GTF2A1L: variants seen among roughly 807,000 people sequenced by gnomAD.
GTF2A1L encodes general transcription factor IIA subunit 1 like.
In GTF2A1L, 48 loss-of-function variants were observed where a neutral mutation model predicts 49.7. The ratio of observed to expected loss-of-function variants is 0.97; its 90% CI spans 0.77 to 1.23. GTF2A1L has a LOEUF of 1.23. Ranked by LOEUF, GTF2A1L falls within the 50% of genes most tolerant of loss-of-function variation. The pLI is 0.00. For synonymous variants in GTF2A1L, 246 were observed against 193.5 expected (o/e 1.27, Z -2.25); for missense variants, 736 against 564.8 (o/e 1.30, Z -3.07).
chr2:48,632,627 A>G (rs1236664707), intron 3 of GTF2A1L: 1 of 155,470 alleles, frequency 6.4e-6, no homozygotes, highest in Non-Finnish European at 1.4e-5. Context: ...GTGATCCACC[A>G]GCCTTGGCCT....
chr2:48,642,184 C>A (rs1449174913), intron 3 of GTF2A1L, among the ~76,000 whole-genome samples: 2 of 152,056 alleles, frequency 1.3e-5, no homozygotes, highest in African/African-American at 4.8e-5. Context: ...GAGATATTTT[C>A]TTTCAGCACT....
intron 3 of GTF2A1L, among the ~76,000 whole-genome samples, chr2:48,633,612 T>A (rs1050588304): frequency 5.3e-5 from 8 of 152,268 alleles, no homozygotes; most frequent in Non-Finnish European, 8.8e-5. Context: ...AGTATTGTTC[T>A]ATGGCCAATG....
chr2:48,627,485 C>G lies in GTF2A1L; in HGVS notation c.247+6195C>G, dbSNP rs1049838764. ...AAAAAAATCATATTCATTGATATAA[C>G]TAGGCCTCTCATCCATTGTGGTTGA... On this transcript the variant is annotated intron_variant, in intron 3 of 8. Coordinates refer to ENST00000403751, the MANE Select transcript of GTF2A1L (RefSeq NM_006872.5). Among the ~76,000 whole-genome samples, 5 of 143,998 alleles carry G rather than the reference C, an allele frequency of 3.5e-5. 1 individual carries two copies. Among genetic ancestry groups the G allele is most frequent in the African/African-American group, 4.9e-5 (2 of 40,516 alleles). 94.5% of individuals were successfully genotyped at this position (143,998 alleles called of 152,430 possible).
At chr2:48,638,561 G>A (rs1677032300) in intron 3 of GTF2A1L, among the ~76,000 whole-genome samples, 1 of 152,160 alleles carries the variant, frequency 6.6e-6, no homozygotes, top group South Asian at 2.1e-4. Flanking sequence ...ACTAGGTATT[G>A]AAGGAATATA....
chr2:48,657,656 T>C (rs930961023), intron 6 of GTF2A1L, among the ~76,000 whole-genome samples: 4 of 152,178 alleles, frequency 2.6e-5, no homozygotes, highest in Non-Finnish European at 5.9e-5. Context: ...AGCTCTATTT[T>C]CTTTGAGAAA....
intron 6 of GTF2A1L, among the ~76,000 whole-genome samples, chr2:48,650,574 G>T (rs1477662217): frequency 1.3e-5 from 2 of 152,068 alleles, no homozygotes; most frequent in African/African-American, 2.4e-5. Flanking sequence ...ATTGACTTTA[G>T]AATTCATTTA....
At chr2:48,669,186 T>A (rs1189426131) in intron 6 of GTF2A1L, among the ~76,000 whole-genome samples, 2 of 152,154 alleles carry the variant, frequency 1.3e-5, no homozygotes, top group African/African-American at 2.4e-5. Flanking sequence ...AACTTTTCAT[T>A]CCCCTCTTCA....
At chr2:48,660,957 G>C (rs188974181) in intron 6 of GTF2A1L, among the ~76,000 whole-genome samples, 1 of 152,030 alleles carries the variant, frequency 6.6e-6, no homozygotes, top group Non-Finnish European at 1.5e-5. Context: ...GATAATTTTA[G>C]TTGAGTCTTC....
chr2:48,652,957 C>T (rs1045970306), intron 6 of GTF2A1L, among the ~76,000 whole-genome samples: 8 of 151,704 alleles, frequency 5.3e-5, no homozygotes, highest in East Asian at 4.0e-4. Context: ...AGGCCGGGCA[C>T]GGTGGCTCAC....
intron 4 of GTF2A1L, among the ~76,000 whole-genome samples, chr2:48,643,769 G>A (rs985147540): frequency 6.9e-5 from 10 of 144,952 alleles, no homozygotes; most frequent in Non-Finnish European, 4.5e-5. Context: ...GCATGATCTC[G>A]GCTCACTGCA....
At chr2:48,630,550 A>G (rs1355091377) in intron 3 of GTF2A1L, among the ~76,000 whole-genome samples, 1 of 144,300 alleles carries the variant, frequency 6.9e-6, no homozygotes, top group African/African-American at 2.5e-5. Context: ...GTATAAGACC[A>G]TATTGTCAGT....
rs776479595 is a variant in GTF2A1L at position 48,669,676 on chromosome 2, A to G, written c.979-46A>G. ...TTTAAATTTGGATTCAATATTTTAT[A>G]TACCTTATTTGACTTGAACTTTATT... On this transcript the variant is annotated intron_variant, in intron 6 of 8. Coordinates refer to ENST00000403751, the MANE Select transcript of GTF2A1L (RefSeq NM_006872.5). 6 of 1,553,752 alleles carry G rather than the reference A, an allele frequency of 3.9e-6. No individual in the cohort carries two copies. The African/African-American group carries it at 5.5e-5, about 14-fold the overall frequency.
chr2:48,665,954 T>A (rs1490776331), intron 6 of GTF2A1L, among the ~76,000 whole-genome samples: 1 of 152,110 alleles, frequency 6.6e-6, no homozygotes, highest in Non-Finnish European at 1.5e-5. Context: ...TTTATTACTT[T>A]TTAGTTTAGT....
chr2:48,660,499 A>G (rs1040397309), intron 6 of GTF2A1L, among the ~76,000 whole-genome samples: 4 of 152,042 alleles, frequency 2.6e-5, no homozygotes, highest in Non-Finnish European at 5.9e-5. Flanking sequence ...GGTTCAGTCT[A>G]GATTGCGTAT....
intron 3 of GTF2A1L, among the ~76,000 whole-genome samples, chr2:48,635,106 A>T (rs1017286876): frequency 2.6e-5 from 4 of 152,112 alleles, no homozygotes; most frequent in Admixed American, 6.5e-5. Flanking sequence ...CTGCCTGGGC[A>T]TGGAGTGGAG....
intron 7 of GTF2A1L, among the ~76,000 whole-genome samples, chr2:48,670,697 A>G (rs941848900): frequency 3.3e-5 from 5 of 152,206 alleles, no homozygotes; most frequent in Non-Finnish European, 2.9e-5. Context: ...GCCTTATCTT[A>G]ATAGTCCCAA....
chr2:48,642,100 T>C (rs573686520), intron 3 of GTF2A1L, among the ~76,000 whole-genome samples: 1 of 152,336 alleles, frequency 6.6e-6, no homozygotes, highest in South Asian at 2.1e-4. Context: ...ATTTAATAAA[T>C]ATTACTTGAC....
chr2:48,666,613 TTG>T (rs1023294939), intron 6 of GTF2A1L, among the ~76,000 whole-genome samples: 25 of 88,652 alleles, frequency 2.8e-4, no homozygotes, highest in Non-Finnish European at 5.9e-4. Context: ...GTGTGTGTGT[TTG>T]TGTGTGTGTG....
chr2:48,642,520 A>G, intron 4 of GTF2A1L, 63 bp downstream of exon 4: 1 of 1,435,050 alleles, frequency 7.0e-7, no homozygotes, highest in Non-Finnish European at 9.5e-7. Flanking sequence ...GTGGTGGCAA[A>G]ATGCTGAACA....
Sources: gnomAD v4.1 joint callset for allele counts (sites outside exome capture counted in the v4.1 genomes callset) on GRCh38, gnomAD v4.1.1 for gene constraint, MANE v1.5 for transcripts, NCBI Gene and HGNC (gene_info 2026-07-23, HGNC 2026-07-21) for gene names.